The following ENTPD4 variants were observed in gnomAD, a reference collection of about 807,000 sequenced individuals.
ENTPD4 encodes Golgi UDPase.
Under a neutral mutation model 79.1 loss-of-function variants are expected in ENTPD4, and 60 were observed. That is an observed-to-expected ratio of 0.76 (90% CI 0.62 to 0.94). The LOEUF is 0.94. Among genes scored for constraint, ENTPD4 ranks in the 40% least tolerant of loss-of-function variants. The probability of loss-of-function intolerance (pLI) is 0.00; values close to 1 mark genes in which losing one functional copy is unlikely to be tolerated. For missense variants in ENTPD4, 772 were observed against 775.1 expected, an observed-to-expected ratio of 1.00 and a Z score of 0.05; for synonymous variants, 276 against 292.0, an observed-to-expected ratio of 0.95 and a Z score of 0.56.
Position 23,437,066 on chromosome 8 carries a change from A to C in ENTPD4, c.1242T>G (p.Asn414Lys). The C allele has an allele frequency of 6.2e-7, 1 of 1,614,248 alleles. No individual in the cohort carries two copies. The highest frequency in any genetic ancestry group is 8.5e-7 in the Non-Finnish European group (1 of 1,180,040). Residue 414 changes from asparagine to lysine, a missense_variant, in exon 10 of 13, where the codon AAT becomes AAG. Asn to Lys is a moderately conservative substitution (Grantham distance 94). Coordinates refer to ENST00000358689, the MANE Select transcript of ENTPD4 (RefSeq NM_004901.5). ...NKTNETQTSL[N>K]GVYQPPIHFQ... ...AGTGAATTGGGGGCTGGTAGACCCC[A>C]TTGAGGGAAGTCTGGGTCTCGTTTG...
At chr8:23,436,804 T>C in intron 10 of ENTPD4, 130 bp downstream of exon 10, 1 of 762,752 alleles carries the variant, frequency 1.3e-6, no homozygotes, top group Non-Finnish European at 2.1e-6. Flanking sequence ...GGGAACAGGA[T>C]CCCAACATGC....
chr8:23,455,417 C>G (rs1800940367), intron 1 of ENTPD4, among the ~76,000 whole-genome samples: 1 of 152,184 alleles, frequency 6.6e-6, no homozygotes, highest in South Asian at 2.1e-4. Flanking sequence ...TTGCAAGAAA[C>G]AACTGTCTTT....
At chr8:23,434,033 C>T (rs750953292) in intron 12 of ENTPD4, 8 of 400,576 alleles carry the variant, frequency 2.0e-5, no homozygotes, top group East Asian at 3.9e-5. Flanking sequence ...TTAAGAACCC[C>T]GGAACTGACC....
Position 23,444,604 on chromosome 8 carries a change from T to G in ENTPD4, c.415A>C (p.Ile139Leu). 1 of 1,613,904 alleles carries G rather than the reference T, an allele frequency of 6.2e-7. No individual in the cohort carries two copies. The highest frequency in any genetic ancestry group is 8.5e-7 in the Non-Finnish European group (1 of 1,179,744). ...KPVVMKIKPG[I>L]SEFATSPEKV... The stretch of plus-strand genomic sequence containing the variant: ...TCTGGAGAGGTAGCAAATTCTGAAA[T>G]GCCTAGAGAAACAGGATACTTTAGT... The change falls in exon 5 of 13, where the codon ATT becomes CTT. Residue 139 changes from isoleucine (I) to leucine (L), a missense_variant and splice_region_variant. By Grantham distance (5) the Ile-to-Leu change is conservative. Transcript: ENST00000358689.
intron 5 of ENTPD4, 151 bp from the exon 6 acceptor site, chr8:23,444,104 T>C (rs1800721462): frequency 8.8e-6 from 5 of 568,468 alleles, no homozygotes; most frequent in Non-Finnish European, 1.5e-5. Context: ...AGAAATTCGT[T>C]GGAAAGATTA....
At chr8:23,438,157 T>C (rs1415814823) in intron 9 of ENTPD4, among the ~76,000 whole-genome samples, 1 of 152,210 alleles carries the variant, frequency 6.6e-6, no homozygotes, top group Non-Finnish European at 1.5e-5. Flanking sequence ...TGTGCATGCC[T>C]TCAAGCAACA....
intron 1 of ENTPD4, among the ~76,000 whole-genome samples, chr8:23,451,877 C>T (rs1490486246): frequency 6.6e-6 from 1 of 152,040 alleles, no homozygotes; most frequent in African/African-American, 2.4e-5. Flanking sequence ...ATGCCTACCC[C>T]CTCCCCAGCA....
At position 23,443,879 on chromosome 8, in the gene ENTPD4, TGA is replaced by T. The variant is rs1470107955; in HGVS notation, c.636_637del (p.His213CysfsTer18). Reference sequence around the variant, plus strand: ...TTGTTTCCCAGAAATTACTTCTGCATGAGAGTCAGAAAACAGAAAGTCAAAGT... The same window carrying T: ...TTGTTTCCCAGAAATTACTTCTGCATGAGTCAGAAAACAGAAAGTCAAAGT... On this transcript the variant is annotated frameshift_variant, in exon 6 of 13. Transcript: ENST00000358689. LOFTEE classifies it high-confidence loss of function. The T allele has an allele frequency of 6.2e-7, 1 of 1,613,368 alleles. No individual in the cohort carries two copies.
chr8:23,441,514 A>G, intron 8 of ENTPD4, 55 bp downstream of exon 8: 1 of 1,595,840 alleles, frequency 6.3e-7, no homozygotes, highest in East Asian at 2.2e-5. Flanking sequence ...AGAACGATGG[A>G]CACACGTTAA....
intron 1 of ENTPD4, among the ~76,000 whole-genome samples, chr8:23,452,173 CT>C (rs1386250121): frequency 6.6e-6 from 1 of 152,210 alleles, no homozygotes; most frequent in African/African-American, 2.4e-5. Context: ...TTGTGTTTCT[CT>C]TTTTTGTCTC....
chr8:23,436,035 C>T (rs945900943), intron 10 of ENTPD4, among the ~76,000 whole-genome samples: 2 of 152,148 alleles, frequency 1.3e-5, no homozygotes, highest in East Asian at 1.9e-4. Context: ...GATGAAGACA[C>T]TGCTGAGAGG....
At position 23,429,318 on chromosome 8, in the gene ENTPD4, G is replaced by T. The variant is rs752542779; in HGVS notation, c.*3608C>A. ...ATCGCTTAAACAAAAAACATTTAAA[G>T]ATGCTCCCTTGCTTTTTATAATTCC... On this transcript the variant is annotated 3_prime_UTR_variant, in exon 13 of 13. Transcript: ENST00000358689. 34 of 985,078 alleles carry T rather than the reference G, an allele frequency of 3.5e-5. No individual in the cohort carries two copies. The highest frequency in any genetic ancestry group is 3.7e-5 in the Non-Finnish European group (31 of 829,744). The allele number at this position is 985,078 out of a possible 1,614,324, so 61.0% of individuals were successfully genotyped here. A position where few individuals can be genotyped will look rare whatever the true frequency, so the allele number is the denominator to read the frequency against.
At position 23,429,231 on chromosome 8, in the gene ENTPD4, A is replaced by T; in HGVS notation, c.*3695T>A. 1 of 985,438 alleles carries T rather than the reference A, an allele frequency of 1.0e-6. No homozygotes were observed. Among genetic ancestry groups the T allele is most frequent in the Non-Finnish European group, 1.2e-6 (1 of 829,900 alleles). The allele number at this position is 985,438 out of a possible 1,614,324, so 61.0% of individuals were successfully genotyped here. A position where few individuals can be genotyped will look rare whatever the true frequency, so the allele number is the denominator to read the frequency against. ...GTGGCACTGTAAGGCTGCCACATAC[A>T]GCAAGTGACATGACACCAAAAGGAC... On this transcript the variant is annotated 3_prime_UTR_variant, in exon 13 of 13. Coordinates refer to ENST00000358689, the MANE Select transcript of ENTPD4 (RefSeq NM_004901.5).
intron 10 of ENTPD4, 130 bp from the exon 11 acceptor site, chr8:23,435,607 A>C: frequency 1.5e-6 from 1 of 670,392 alleles, no homozygotes; most frequent in Non-Finnish European, 2.6e-6. Flanking sequence ...AGCTTAACTT[A>C]TACAACAAAT....
At position 23,431,939 on chromosome 8, in the gene ENTPD4, T is replaced by C; in HGVS notation, c.*987A>G. The C allele has an allele frequency of 1.0e-6, 1 of 985,410 alleles. No homozygotes were observed. Among genetic ancestry groups the C allele is most frequent in the African/African-American group, 1.7e-5 (1 of 57,364 alleles). 61.0% of individuals were successfully genotyped at this position (985,410 alleles called of 1,614,324 possible). A position where few individuals can be genotyped will look rare whatever the true frequency, so the allele number is the denominator to read the frequency against. ...AACGAGGATTTTTCTAAATAAAATG[T>C]ACCAGTAAATTCTGAAGTGTGTGTT... On this transcript the variant is annotated 3_prime_UTR_variant, in exon 13 of 13. Transcript: ENST00000358689.
Position 23,444,507 on chromosome 8 carries a change from T to C in ENTPD4, c.512A>G (p.Glu171Gly). 6.2e-7 allele frequency: 1 copy of C among 1,614,232 alleles called. No individual in the cohort carries two copies. Among genetic ancestry groups the C allele is most frequent in the Non-Finnish European group, 8.5e-7 (1 of 1,180,036 alleles). Reference protein sequence around the residue: ...AEHVPRAKHKETPLYILCTAG... With the variant: ...AEHVPRAKHKGTPLYILCTAG... ...CGTGCAGAGAATGTAGAGAGGTGTC[T>C]CTTTGTGTTTTGCCCGTGGCACATG... is the stretch of plus-strand genomic sequence containing the variant. Residue 171 changes from glutamate to glycine, a missense_variant, in exon 5 of 13, where the codon GAG becomes GGG. Transcript: ENST00000358689.
At chr8:23,435,073 G>A (rs989549289) in intron 11 of ENTPD4, among the ~76,000 whole-genome samples, 1 of 152,218 alleles carries the variant, frequency 6.6e-6, no homozygotes, top group Non-Finnish European at 1.5e-5. Flanking sequence ...AGAAAGGGAT[G>A]AAGTCTGATT....
At position 23,437,255 on chromosome 8, in the gene ENTPD4, G is replaced by A. The variant is rs1247369288; in HGVS notation, c.1053C>T (p.Leu351=). 8.2e-6 allele frequency: 13 copies of A among 1,581,880 alleles called. No individual in the cohort carries two copies. The highest frequency in any genetic ancestry group is 1.1e-5 in the Non-Finnish European group (13 of 1,165,520). Residue 351 remains leucine (L), a synonymous_variant, in exon 10 of 13, where the codon CTC becomes CTT. Transcript: ENST00000358689. The part of the protein sequence containing the change: ...IFANTIQKNR[L]LGKQTGLTPD... Reference sequence around the variant, plus strand: ...GAGTCAGACCAGTCTGTTTACCCAGGAGCCTATGGCAAAACAAGAAACTTC... The same window carrying A: ...GAGTCAGACCAGTCTGTTTACCCAGAAGCCTATGGCAAAACAAGAAACTTC...
At position 23,448,874 on chromosome 8, in the gene ENTPD4, C is replaced by T. The variant is rs770364440; in HGVS notation, c.74G>A (p.Arg25Gln). Residue 25 changes from arginine to glutamine, a missense_variant, in exon 3 of 13, where the codon CGA becomes CAA. Coordinates refer to ENST00000358689, the MANE Select transcript of ENTPD4 (RefSeq NM_004901.5). Reference sequence around the variant, plus strand: ...TTGGCGTAAATTGGTATTCAGAATTCGAGGACACCCTACTGGAGATATGCT... The same window carrying T: ...TTGGCGTAAATTGGTATTCAGAATTTGAGGACACCCTACTGGAGATATGCT... ...HFSISPVGCP[R>Q]ILNTNLRQIM... 5.0e-6 allele frequency: 8 copies of T among 1,613,830 alleles called. No homozygotes were observed. The highest frequency in any genetic ancestry group is 1.1e-5 in the South Asian group (1 of 91,070).
Sources: allele counts gnomAD v4.1 joint callset (sites outside exome capture counted in the v4.1 genomes callset), GRCh38; gene constraint gnomAD v4.1.1; transcripts MANE v1.5; gene names NCBI Gene and HGNC (gene_info 2026-07-23, HGNC 2026-07-21).